The following TENM1 variants were observed in gnomAD, a reference collection of about 807,000 sequenced individuals.
TENM1 encodes teneurin transmembrane protein 1.
In TENM1, 35 loss-of-function variants were observed where a neutral mutation model predicts 174.8. The ratio of observed to expected loss-of-function variants is 0.20; its 90% confidence interval spans 0.15 to 0.27. TENM1 has a LOEUF of 0.27. Among genes scored for constraint, TENM1 ranks in the 10% least tolerant of loss-of-function variants. TENM1 has a pLI of 1.00. For synonymous variants in TENM1, 781 were observed against 798.7 expected, an observed-to-expected ratio of 0.98 and a Z score of 0.37; for missense variants, 1,633 against 2,130.1, an observed-to-expected ratio of 0.77 and a Z score of 4.59.
chrX:124,990,833 G>A, the TENM1 span, among the ~76,000 whole-genome samples: 1 of 111,797 alleles, frequency 8.9e-6, no homozygotes, highest in Non-Finnish European at 1.9e-5. Context: ...ATGTGAGTGA[G>A]GCTAGGGAGG....
intron 3 of TENM1, among the ~76,000 whole-genome samples, chrX:124,785,157 T>A (rs1043614692): frequency 2.0e-4 from 22 of 111,536 alleles, no homozygotes; most frequent in African/African-American, 7.2e-4. Context: ...ATGTAATGAA[T>A]GAGATTAGTT....
At chrX:125,028,551 G>A in the TENM1 span, among the ~76,000 whole-genome samples, 1 of 111,610 alleles carries the variant, frequency 9.0e-6, no homozygotes, top group Non-Finnish European at 1.9e-5. Context: ...GTGGAAGAAG[G>A]AAGAGGATCA....
intron 29 of TENM1, 97 bp downstream of exon 32, chrX:124,385,580 G>A (rs780493027): frequency 3.2e-4 from 265 of 834,483 alleles, no homozygotes; most frequent in Non-Finnish European, 3.9e-4. Flanking sequence ...GGTTGAATGT[G>A]TGTAGATTAA....
intron 3 of TENM1, among the ~76,000 whole-genome samples, chrX:124,863,992 T>C (rs1186865408): frequency 8.9e-6 from 1 of 112,264 alleles, no homozygotes; most frequent in Non-Finnish European, 1.9e-5. Flanking sequence ...CCATATCTTG[T>C]CCAAGACCAT....
At chrX:124,414,713 C>T (rs1349828679) in intron 25 of TENM1, among the ~76,000 whole-genome samples, 1 of 111,667 alleles carries the variant, frequency 9.0e-6, no homozygotes, top group Non-Finnish European at 1.9e-5. Flanking sequence ...GGCACTACCA[C>T]TACACAAGAT....
chrX:124,962,872 T>C (rs1457356261), intron 1 of TENM1, among the ~76,000 whole-genome samples: 2 of 112,035 alleles, frequency 1.8e-5, no homozygotes, highest in African/African-American at 6.5e-5. Flanking sequence ...AAAAACCTTG[T>C]GCCAATGTCA....
rs771250393 is a variant in TENM1, at chrX:124,802,467, A to C, written c.536-65270T>G. ...ACTCGAGGAGGCTGGAGAACAGCAAAGATGGGTGCCTGCTCCTTCCTCTGG... is the reference window on the plus strand; with the variant it reads ...ACTCGAGGAGGCTGGAGAACAGCAACGATGGGTGCCTGCTCCTTCCTCTGG... On this transcript the variant is annotated intron_variant, in intron 3 of 31. Transcript: ENST00000422452. Among the ~76,000 whole-genome samples the C allele has an allele frequency of 7.2e-5, 8 of 111,588 alleles. No homozygotes were observed. In the South Asian group the frequency reaches 3.0e-3, roughly 42 times the overall value.
intron 6 of TENM1, among the ~76,000 whole-genome samples, chrX:124,657,907 T>G (rs1242118171): frequency 1.8e-5 from 2 of 112,529 alleles, no homozygotes; most frequent in Non-Finnish European, 3.8e-5. Flanking sequence ...TACTTCACCC[T>G]ATAACATGCT....
intron 1 of TENM1, among the ~76,000 whole-genome samples, chrX:124,899,798 A>C (rs756679781): frequency 8.9e-6 from 1 of 112,119 alleles, no homozygotes; most frequent in Admixed American, 9.5e-5. Flanking sequence ...AAGCAAATGA[A>C]AAGATGCTCA....
At chrX:124,403,537 A>G (rs1351866778) in intron 27 of TENM1, among the ~76,000 whole-genome samples, 1 of 108,855 alleles carries the variant, frequency 9.2e-6, no homozygotes, top group Non-Finnish European at 1.9e-5. Flanking sequence ...AAAAAAAGAA[A>G]AAAAAAAGAA....
chrX:124,673,403 T>C (rs376240645), intron 5 of TENM1, among the ~76,000 whole-genome samples: 1 of 111,857 alleles, frequency 8.9e-6, no homozygotes, highest in East Asian at 2.8e-4. Context: ...AGTGATATGA[T>C]CAGAATTTTT....
chrX:124,440,678 C>T (rs1424421314), intron 23 of TENM1, among the ~76,000 whole-genome samples: 1 of 111,704 alleles, frequency 9.0e-6, no homozygotes, highest in South Asian at 3.8e-4. Flanking sequence ...CCGGTAACTA[C>T]AAATAGTGTT....
intron 3 of TENM1, among the ~76,000 whole-genome samples, chrX:124,845,792 T>A (rs1466332447): frequency 9.1e-6 from 1 of 109,620 alleles, no homozygotes; most frequent in African/African-American, 3.3e-5. Context: ...GTAGATATCC[T>A]AGAGAAAAGT....
chrX:124,604,306 G>A (rs1392226754), intron 11 of TENM1, among the ~76,000 whole-genome samples: 1 of 111,247 alleles, frequency 9.0e-6, no homozygotes, highest in Non-Finnish European at 1.9e-5. Flanking sequence ...AGCTAACAAC[G>A]ACATAAAAGA....
chrX:125,190,235 A>C, the TENM1 span, among the ~76,000 whole-genome samples: 2 of 112,056 alleles, frequency 1.8e-5, no homozygotes, highest in Non-Finnish European at 3.8e-5. Flanking sequence ...TCTTTCTGGC[A>C]ATATAGGCAT....
intron 1 of TENM1, among the ~76,000 whole-genome samples, chrX:124,915,530 G>GA (rs1051280656): frequency 8.9e-6 from 1 of 112,191 alleles, no homozygotes; most frequent in African/African-American, 3.2e-5. Flanking sequence ...GTCTCAAAAA[G>GA]AAAAAAAGTA....
intron 1 of TENM1, among the ~76,000 whole-genome samples, chrX:124,927,490 A>G (rs1939560198): frequency 8.9e-6 from 1 of 112,011 alleles, no homozygotes; most frequent in Non-Finnish European, 1.9e-5. Flanking sequence ...ACCTGCCCTC[A>G]AGAGCTTTCT....
intron 3 of TENM1, among the ~76,000 whole-genome samples, chrX:124,744,918 G>A (rs1429500758): frequency 3.6e-5 from 4 of 111,739 alleles, no homozygotes; most frequent in East Asian, 2.8e-4. Context: ...AAGATAGAAC[G>A]CAATGTTTGA....
chrX:124,468,991 T>C (rs1386111722), intron 22 of TENM1, among the ~76,000 whole-genome samples: 1 of 111,950 alleles, frequency 8.9e-6, no homozygotes, highest in Non-Finnish European at 1.9e-5. Flanking sequence ...TTTTTTATAC[T>C]ACAGTTAATA....
Sources: allele counts gnomAD v4.1 joint callset (sites outside exome capture counted in the v4.1 genomes callset), GRCh38; gene constraint gnomAD v4.1.1; transcripts MANE v1.5; gene names NCBI Gene and HGNC (gene_info 2026-07-23, HGNC 2026-07-21).